The following GABBR2 variants were observed in gnomAD, a reference collection of about 807,000 sequenced individuals.
The protein encoded by GABBR2 is gamma-aminobutyric acid type B receptor subunit 2, also known as G-protein coupled receptor 51.
Under a neutral mutation model 105.6 loss-of-function variants are expected in GABBR2, and 23 were observed. The observed-to-expected ratio is 0.22, with a 90% confidence interval of 0.16 to 0.31. The LOEUF is 0.31. GABBR2 is among the 10% of genes least tolerant of loss of function. The pLI, the probability that GABBR2 is intolerant of heterozygous loss-of-function variation, is 1.00. For synonymous variants in GABBR2, 478 were observed against 499.7 expected, an observed-to-expected ratio of 0.96 and a Z score of 0.58; for missense variants, 734 against 1,245.5, an observed-to-expected ratio of 0.59 and a Z score of 6.18.
At chr9:98,655,287 G>C (rs557676410) in intron 1 of GABBR2, among the ~76,000 whole-genome samples, 1 of 152,098 alleles carries the variant, frequency 6.6e-6, no homozygotes, top group Non-Finnish European at 1.5e-5. Context: ...GGGGGATGTC[G>C]ATAATGGGGG....
chr9:98,602,084 T>C (rs1326501873), intron 1 of GABBR2, among the ~76,000 whole-genome samples: 1 of 152,018 alleles, frequency 6.6e-6, no homozygotes, highest in Non-Finnish European at 1.5e-5. Context: ...CACTGCAGCC[T>C]CACCCTCCCG....
At chr9:98,428,765 C>A (rs945709134) in intron 7 of GABBR2, among the ~76,000 whole-genome samples, 1 of 152,154 alleles carries the variant, frequency 6.6e-6, no homozygotes, top group Non-Finnish European at 1.5e-5. Context: ...AAATGGGTTC[C>A]CTTTTTTGCT....
At chr9:98,563,304 G>C (rs956885481) in intron 2 of GABBR2, among the ~76,000 whole-genome samples, 1 of 152,094 alleles carries the variant, frequency 6.6e-6, no homozygotes, top group Non-Finnish European at 1.5e-5. Flanking sequence ...AGGTTCCCCC[G>C]GCAAACAAAG....
At chr9:98,349,666 T>C (rs1218645052) in intron 13 of GABBR2, among the ~76,000 whole-genome samples, 3 of 152,220 alleles carry the variant, frequency 2.0e-5, no homozygotes, top group Non-Finnish European at 4.4e-5. Flanking sequence ...TATTTTTTCA[T>C]CTAGATTTTT....
At chr9:98,480,673 C>A (rs1826900304) in intron 5 of GABBR2, among the ~76,000 whole-genome samples, 1 of 152,112 alleles carries the variant, frequency 6.6e-6, no homozygotes, top group Non-Finnish European at 1.5e-5. Context: ...CTAAGTTGAG[C>A]AGACTTAGAA....
intron 11 of GABBR2, among the ~76,000 whole-genome samples, chr9:98,376,987 A>T (rs1317888665): frequency 6.6e-6 from 1 of 152,240 alleles, no homozygotes; most frequent in African/African-American, 2.4e-5. Flanking sequence ...ACAAACTCCA[A>T]GAACTTGGCT....
At chr9:98,650,260 T>C (rs901773421) in intron 1 of GABBR2, among the ~76,000 whole-genome samples, 6 of 152,208 alleles carry the variant, frequency 3.9e-5, no homozygotes, top group Non-Finnish European at 1.5e-5. Context: ...TGGGATTGAA[T>C]CCTGGCCCTG....
At chr9:98,383,029 C>T (rs1044575547) in intron 11 of GABBR2, among the ~76,000 whole-genome samples, 2 of 152,290 alleles carry the variant, frequency 1.3e-5, no homozygotes, top group East Asian at 1.9e-4. Flanking sequence ...TAACCCCTGC[C>T]TCCCAGGTTC....
At chr9:98,685,151 A>G (rs1456287310) in intron 1 of GABBR2, among the ~76,000 whole-genome samples, 2 of 152,238 alleles carry the variant, frequency 1.3e-5, no homozygotes, top group Non-Finnish European at 2.9e-5. Flanking sequence ...AGACTGGCTG[A>G]GTCTTCTGGC....
rs1325295523 is a variant in GABBR2, at chr9:98,289,800, A to T, written c.*784T>A. On this transcript the variant is annotated 3_prime_UTR_variant, in exon 19 of 19. Coordinates refer to ENST00000259455, the MANE Select transcript of GABBR2 (RefSeq NM_005458.8). ...CGATAGGAACACAAGGACATGGCCA[A>T]CGTGGTGGGTGCATGACAGACTGTC... 6.5e-6 allele frequency: 1 copy of T among 152,704 alleles called. No homozygotes were observed. The allele number at this position is 152,704 out of a possible 1,614,324, so 9.5% of individuals were successfully genotyped here. A position where few individuals can be genotyped will look rare whatever the true frequency, so the allele number is the denominator to read the frequency against.
At chr9:98,323,396 T>A (rs955150282) in intron 13 of GABBR2, among the ~76,000 whole-genome samples, 2 of 152,332 alleles carry the variant, frequency 1.3e-5, no homozygotes, top group East Asian at 1.9e-4. Flanking sequence ...TTAGACTTGA[T>A]TGTGGCCCTG....
intron 7 of GABBR2, among the ~76,000 whole-genome samples, chr9:98,447,831 C>G (rs1017668185): frequency 5.3e-5 from 8 of 149,792 alleles, no homozygotes; most frequent in African/African-American, 2.0e-4. Flanking sequence ...GGGGTGGTGA[C>G]TTGTCTAGGG....
chr9:98,644,920 T>A (rs897764190), intron 1 of GABBR2, among the ~76,000 whole-genome samples: 1 of 152,192 alleles, frequency 6.6e-6, no homozygotes, highest in East Asian at 1.9e-4. Flanking sequence ...TAGGTCCTGC[T>A]CCTGTCCCTG....
At chr9:98,662,091 G>C (rs1830272596) in intron 1 of GABBR2, among the ~76,000 whole-genome samples, 1 of 152,176 alleles carries the variant, frequency 6.6e-6, no homozygotes, top group Non-Finnish European at 1.5e-5. Flanking sequence ...CCAAAGAAAA[G>C]TTCCTACATA....
Position 98,454,236 on chromosome 9 carries a change from G to C in GABBR2, c.1000-19C>G. ...GTGGAGTCTGGAAAAACAGGGGATT[G>C]GGGGAATCCCAAGTTATACTCGGCA... On this transcript the variant is annotated intron_variant, in intron 6 of 18. Transcript: ENST00000259455. This position sits in a 1 kb window ranked among gnomAD's most constrained non-coding sequence, Gnocchi z 4.6. The C allele has an allele frequency of 6.6e-7, 1 of 1,522,686 alleles. No individual in the cohort carries two copies. Among genetic ancestry groups the C allele is most frequent in the Non-Finnish European group, 9.1e-7 (1 of 1,096,614 alleles). 94.3% of individuals were successfully genotyped at this position (1,522,686 alleles called of 1,614,324 possible). A position where few individuals can be genotyped will look rare whatever the true frequency, so the allele number is the denominator to read the frequency against.
intron 5 of GABBR2, among the ~76,000 whole-genome samples, chr9:98,478,118 T>C (rs1826832589): frequency 6.6e-6 from 1 of 152,202 alleles, no homozygotes; most frequent in Non-Finnish European, 1.5e-5. Flanking sequence ...GGGCTATAAA[T>C]AGGCCTTGCA....
chr9:98,679,722 C>T (rs1830517714), intron 1 of GABBR2, among the ~76,000 whole-genome samples: 1 of 152,194 alleles, frequency 6.6e-6, no homozygotes, highest in Non-Finnish European at 1.5e-5. Context: ...CCGCCCTTTT[C>T]TCTTGAAGCA....
intron 2 of GABBR2, among the ~76,000 whole-genome samples, chr9:98,575,115 G>A (rs776917250): frequency 1.3e-5 from 2 of 152,020 alleles, no homozygotes; most frequent in Non-Finnish European, 2.9e-5. Context: ...AAAACCCTAA[G>A]AGAGAGACAG....
intron 1 of GABBR2, among the ~76,000 whole-genome samples, chr9:98,699,110 G>A (rs545014161): frequency 1.3e-5 from 2 of 152,216 alleles, no homozygotes; most frequent in South Asian, 4.1e-4. Context: ...TTTGGCTCTC[G>A]TGCTCTCTGG....
Sources: allele counts gnomAD v4.1 joint callset (sites outside exome capture counted in the v4.1 genomes callset), GRCh38; gene constraint gnomAD v4.1.1; non-coding constraint Gnocchi (gnomAD v3.1); transcripts MANE v1.5; gene names NCBI Gene and HGNC (gene_info 2026-07-23, HGNC 2026-07-21).